RABGAP1L: variants seen among roughly 807,000 people sequenced by gnomAD.
RABGAP1L encodes rab GTPase-activating protein 1-like.
A neutral mutation model predicts 137.7 loss-of-function variants in RABGAP1L; 63 were observed. The observed-to-expected ratio is 0.46, with a 90% CI of 0.37 to 0.56. The LOEUF (loss-of-function observed/expected upper bound fraction) is 0.56, where lower values mean the gene tolerates loss of function less well. Ranked by LOEUF, RABGAP1L falls within the 20% of genes least tolerant of loss-of-function variation. The probability of loss-of-function intolerance (pLI) is 0.00; values close to 1 mark genes in which losing one functional copy is unlikely to be tolerated. For synonymous variants in RABGAP1L, 431 were observed against 433.7 expected (o/e 0.99, Z 0.08); for missense variants, 1,095 against 1,244.0 (o/e 0.88, Z 1.80).
At chr1:174,982,047 T>C (rs745559000) in intron 23 of RABGAP1L, among the ~76,000 whole-genome samples, 7 of 152,332 alleles carry the variant, frequency 4.6e-5, no homozygotes, top group Non-Finnish European at 1.0e-4. Flanking sequence ...GCTAAGTTTT[T>C]AATTTCTATG....
At chr1:174,615,359 G>A (rs1671718944) in intron 13 of RABGAP1L, among the ~76,000 whole-genome samples, 1 of 152,216 alleles carries the variant, frequency 6.6e-6, no homozygotes, top group Admixed American at 6.5e-5. Flanking sequence ...CTATTTGCCT[G>A]GGTATCAGCA....
chr1:174,320,246 G>A (rs1158029349), intron 11 of RABGAP1L, among the ~76,000 whole-genome samples: 2 of 151,988 alleles, frequency 1.3e-5, no homozygotes, highest in Non-Finnish European at 2.9e-5. Flanking sequence ...ATAACTCATC[G>A]TTTCCCCTCA....
At chr1:174,809,537 A>G (rs2148851228) in intron 18 of RABGAP1L, among the ~76,000 whole-genome samples, 1 of 152,338 alleles carries the variant, frequency 6.6e-6, no homozygotes, top group African/African-American at 2.4e-5. Context: ...AGAAAATTAG[A>G]TAACTATGCT....
rs1192968896 is a variant in RABGAP1L, at chr1:174,416,019, C to CATACATATATATATATATAT, written c.1710+21877_1710+21878insCATATATATATATATATATA. On this transcript the variant is annotated intron_variant, in intron 13 of 25. Transcript: ENST00000681986. ...TTAAGGAATTTCCCTAGAAAATTTA[C>CATACATATATATATATATAT]ATATATATATATATATACACACACA... 2.6e-4 allele frequency among the ~76,000 whole-genome samples: 33 copies of CATACATATATATATATATAT among 129,048 alleles called. 1 individual carries two copies. Among genetic ancestry groups the CATACATATATATATATATAT allele is most frequent in the African/African-American group, 1.1e-3 (29 of 27,314 alleles). The allele number at this position is 129,048 out of a possible 152,430, so 84.7% of individuals were successfully genotyped here.
chr1:174,849,531 A>T (rs1249239080), intron 19 of RABGAP1L: 1 of 313,864 alleles, frequency 3.2e-6, no homozygotes, highest in Non-Finnish European at 6.1e-6. Flanking sequence ...AATCCTGAAA[A>T]GTCAGGGAGG....
At chr1:174,712,355 G>T (rs1394702550) in intron 17 of RABGAP1L, among the ~76,000 whole-genome samples, 1 of 152,222 alleles carries the variant, frequency 6.6e-6, no homozygotes, top group Admixed American at 6.5e-5. Context: ...AAGGTCTGCA[G>T]CTTCACTCCT....
intron 13 of RABGAP1L, among the ~76,000 whole-genome samples, chr1:174,404,894 A>C (rs984720952): frequency 6.6e-6 from 1 of 152,192 alleles, no homozygotes; most frequent in African/African-American, 2.4e-5. Flanking sequence ...AGAGTGGCCC[A>C]TTTTAAGATT....
At chr1:174,788,753 C>G (rs765255819) in intron 18 of RABGAP1L, among the ~76,000 whole-genome samples, 2 of 152,106 alleles carry the variant, frequency 1.3e-5, no homozygotes, top group Non-Finnish European at 2.9e-5. Flanking sequence ...GTTCTGTTGC[C>G]CAGGCTGGAG....
chr1:174,201,777 ATCT>A (rs1235840951), intron 1 of RABGAP1L, among the ~76,000 whole-genome samples: 1 of 146,594 alleles, frequency 6.8e-6, no homozygotes, highest in Non-Finnish European at 1.5e-5. Context: ...CATTAGGTAT[ATCT>A]CCTAATGCTA....
intron 11 of RABGAP1L, among the ~76,000 whole-genome samples, chr1:174,312,390 T>C (rs550559281): frequency 3.3e-5 from 5 of 152,308 alleles, no homozygotes; most frequent in African/African-American, 9.6e-5. Flanking sequence ...TGTATGTCTT[T>C]TTTTTTCTTG....
Position 174,863,039 on chromosome 1 carries a change from C to T in RABGAP1L, c.2340+51079C>T, listed in dbSNP as rs553747635. Among the ~76,000 whole-genome samples, 20 of 151,562 alleles carry T rather than the reference C, an allele frequency of 1.3e-4. No individual in the cohort carries two copies. In the South Asian group the frequency reaches 3.8e-3, roughly 28 times the overall value. On this transcript the variant is annotated intron_variant, in intron 19 of 25. Coordinates refer to ENST00000681986, the MANE Select transcript of RABGAP1L (RefSeq NM_001366446.1). ...CCTCCCAGGTAGCTGGGACTACAGG[C>T]GCACCTACCATGCCTGGCAAATTTT...
At chr1:174,200,674 T>A (rs1668032157) in intron 1 of RABGAP1L, among the ~76,000 whole-genome samples, 1 of 152,236 alleles carries the variant, frequency 6.6e-6, no homozygotes, top group Non-Finnish European at 1.5e-5. Flanking sequence ...TTTTGTTTAC[T>A]TGACATTTCT....
chr1:174,783,001 A>G (rs1394716293), intron 18 of RABGAP1L, among the ~76,000 whole-genome samples: 3 of 152,082 alleles, frequency 2.0e-5, no homozygotes, highest in South Asian at 4.2e-4. Flanking sequence ...TTTTCACTCT[A>G]TTAAATCTTG....
intron 13 of RABGAP1L, among the ~76,000 whole-genome samples, chr1:174,503,647 C>T (rs1306289054): frequency 3.7e-5 from 4 of 107,472 alleles, no homozygotes; most frequent in African/African-American, 1.4e-4. Context: ...GGCAACAGAG[C>T]GAGACTCCGT....
chr1:174,623,084 T>G (rs1360915281), intron 13 of RABGAP1L, among the ~76,000 whole-genome samples: 1 of 152,200 alleles, frequency 6.6e-6, no homozygotes, highest in African/African-American at 2.4e-5. Context: ...GGTAAAATGG[T>G]CAACAGTGGT....
At chr1:174,834,752 G>C (rs1409853839) in intron 19 of RABGAP1L, among the ~76,000 whole-genome samples, 1 of 151,994 alleles carries the variant, frequency 6.6e-6, no homozygotes, top group African/African-American at 2.4e-5. Flanking sequence ...AAAAAGAAAA[G>C]CATAAAACTC....
At position 174,237,885 on chromosome 1, in the gene RABGAP1L, C is replaced by G. The variant is rs867499426; in HGVS notation, c.543-3598C>G. 7.7e-3 allele frequency among the ~76,000 whole-genome samples: 1,156 copies of G among 150,872 alleles called. 11 individuals carry two copies. The highest frequency in any genetic ancestry group is 0.025 in the African/African-American group (1,014 of 40,904). The stretch of plus-strand genomic sequence containing the variant: ...GAGTGTTTTCCAACTTGGTTCCATT[C>G]TCCCCATCACTTTCAGGTACACCAA... On this transcript the variant is annotated intron_variant, in intron 4 of 25. Coordinates refer to ENST00000681986, the MANE Select transcript of RABGAP1L (RefSeq NM_001366446.1).
At chr1:174,195,677 TTTCC>T (rs1667562757) in intron 1 of RABGAP1L, among the ~76,000 whole-genome samples, 2 of 99,100 alleles carry the variant, frequency 2.0e-5, no homozygotes, top group African/African-American at 4.4e-5. Flanking sequence ...CCTTTCCTTC[TTTCC>T]TTCTTTCCTT....
intron 19 of RABGAP1L, among the ~76,000 whole-genome samples, chr1:174,888,976 A>T (rs757509535): frequency 2.0e-5 from 3 of 152,128 alleles, no homozygotes; most frequent in African/African-American, 7.2e-5. Context: ...TATGCATAAG[A>T]TATGGAATTT....
Sources: allele counts gnomAD v4.1 joint callset (sites outside exome capture counted in the v4.1 genomes callset), GRCh38; gene constraint gnomAD v4.1.1; transcripts MANE v1.5; gene names NCBI Gene and HGNC (gene_info 2026-07-23, HGNC 2026-07-21).